The following DAB2IP variants were observed in gnomAD, a reference collection of about 807,000 sequenced individuals.
DAB2IP encodes the protein DAB2 interacting protein, also known as disabled homolog 2-interacting protein.
Under a neutral mutation model 107.2 loss-of-function variants are expected in DAB2IP, and 28 were observed. That is an observed-to-expected ratio of 0.26 (90% CI 0.19 to 0.36). The LOEUF (loss-of-function observed/expected upper bound fraction) is 0.36. Ranked by LOEUF, DAB2IP falls within the 10% of genes least tolerant of loss-of-function variation. DAB2IP has a pLI of 1.00. For missense variants in DAB2IP, 1,400 were observed against 1,644.7 expected, an observed-to-expected ratio of 0.85 and a Z score of 2.57; for synonymous variants, 755 against 706.4, an observed-to-expected ratio of 1.07 and a Z score of -1.09.
chr9:121,575,426 A>G (rs476807), intron 1 of DAB2IP: 88,210 of 152,058 alleles, frequency 0.58, 26,578 homozygotes, highest in Middle Eastern at 0.7. Context: ...GTGCAGAGTC[A>G]AAGATCTTTA....
chr9:121,632,975 C>T (rs55864698), intron 1 of DAB2IP, among the ~76,000 whole-genome samples: 10,056 of 152,256 alleles, frequency 0.066, 448 homozygotes, highest in Non-Finnish European at 0.099. Context: ...TAGACCCTTT[C>T]GGGGGGCTCC....
intron 10 of DAB2IP, 145 bp downstream of exon 10, chr9:121,768,778 G>C: frequency 9.8e-7 from 1 of 1,018,502 alleles, no homozygotes; most frequent in East Asian, 2.6e-5. Context: ...CTGGGGATCT[G>C]TGGGCCCCAT....
In DAB2IP at chr9:121,760,235, G is replaced by T; in HGVS notation, c.966G>T (p.Lys322Asn). The change falls in exon 6 of 16, where the codon AAG becomes AAT. Residue 322 changes from lysine to asparagine, a missense_variant. Physicochemically the swap from Lys to Asn is moderately conservative, Grantham distance 94. Transcript: ENST00000408936. The surrounding 1 kb of genome is among the most constrained non-coding windows in gnomAD (Gnocchi z 5.9). ...TGACGCCCAACCCCAAGGGCGGCAA[G>T]GGCCCTGGACCCATGATCCGCATCA... 1 of 1,613,774 alleles carries T rather than the reference G, an allele frequency of 6.2e-7. No homozygotes were observed. Among genetic ancestry groups the T allele is most frequent in the Non-Finnish European group, 8.5e-7 (1 of 1,180,014 alleles).
intron 2 of DAB2IP, among the ~76,000 whole-genome samples, chr9:121,680,059 C>G (rs1413915490): frequency 6.6e-6 from 1 of 152,218 alleles, no homozygotes; most frequent in African/African-American, 2.4e-5. Flanking sequence ...TTTCCTAATA[C>G]TTAGTGTCAG....
At chr9:121,625,665 CTTTTTT>C (rs71826972) in intron 1 of DAB2IP, among the ~76,000 whole-genome samples, 1 of 141,346 alleles carries the variant, frequency 7.1e-6, no homozygotes, top group Non-Finnish European at 1.5e-5. Flanking sequence ...GGGCTTTCTG[CTTTTTT>C]TTTTTTTTTC....
intron 1 of DAB2IP, among the ~76,000 whole-genome samples, chr9:121,668,078 C>G (rs1041821098): frequency 1.3e-5 from 2 of 152,114 alleles, no homozygotes; most frequent in African/African-American, 4.8e-5. Context: ...CCCCCATGAT[C>G]TAAATTATCT....
chr9:121,648,018 A>G (rs906396948), upstream of DAB2IP, among the ~76,000 whole-genome samples: 1 of 152,092 alleles, frequency 6.6e-6, no homozygotes, highest in East Asian at 1.9e-4. Context: ...ACCAAACATC[A>G]TATATTCTCA....
At position 121,699,450 on chromosome 9, in the gene DAB2IP, C is replaced by G. The variant is rs1234880667; in HGVS notation, c.354C>G (p.Asp118Glu). ...GGAGCGCCGCCGCCGCCGCCGCGGA[C>G]AATGAGAGGTGAGCCCGCCGCCGCC... Residue 118 changes from aspartate (D) to glutamate (E), a missense_variant, in exon 3 of 16, where the codon GAC becomes GAG. Asp to Glu is a conservative substitution (Grantham distance 45, BLOSUM62 2). Coordinates refer to ENST00000408936, the Ensembl canonical transcript of DAB2IP. This position sits in a 1 kb window ranked among gnomAD's most constrained non-coding sequence, Gnocchi z 6.2. 1 of 1,421,006 alleles carries G rather than the reference C, an allele frequency of 7.0e-7. No individual in the cohort carries two copies. Among genetic ancestry groups the G allele is most frequent in the Non-Finnish European group, 9.3e-7 (1 of 1,074,034 alleles). The allele number at this position is 1,421,006 out of a possible 1,614,324, so 88.0% of individuals were successfully genotyped here. A position where few individuals can be genotyped will look rare whatever the true frequency, so the allele number is the denominator to read the frequency against.
chr9:121,650,849 G>A (rs79104671), upstream of DAB2IP, among the ~76,000 whole-genome samples: 1 of 152,182 alleles, frequency 6.6e-6, no homozygotes. Context: ...GAATTAGGGG[G>A]AGCAGAGGTG....
In DAB2IP at chr9:121,776,330, G is replaced by A. The variant is rs374129525; in HGVS notation, c.3253G>A (p.Glu1085Lys). ...GTACCAGGCACGGCTGGAGGAGGGC[G>A]AGGAGCGGCTGCGGCGGCAGCAGGA... Residue 1085 changes from glutamate to lysine, a missense_variant, in exon 14 of 16, where the codon GAG becomes AAG. Coordinates refer to ENST00000408936, the Ensembl canonical transcript of DAB2IP. This position sits in a 1 kb window ranked among gnomAD's most constrained non-coding sequence, Gnocchi z 5.4. 59 of 1,559,874 alleles carry A rather than the reference G, an allele frequency of 3.8e-5. 1 individual carries two copies. The highest frequency in any genetic ancestry group is 4.7e-5 in the South Asian group (4 of 84,578).
At chr9:121,586,502 A>G (rs1010789655) in intron 1 of DAB2IP, among the ~76,000 whole-genome samples, 8 of 152,202 alleles carry the variant, frequency 5.3e-5, no homozygotes, top group Middle Eastern at 6.8e-3. Context: ...GGGAGCTGCA[A>G]GGGAGCTGGT....
intron 8 of DAB2IP, among the ~76,000 whole-genome samples, chr9:121,764,434 C>T (rs1025128494): frequency 6.6e-6 from 1 of 152,248 alleles, no homozygotes; most frequent in Non-Finnish European, 1.5e-5. Context: ...CTTAGACAGG[C>T]CCCTCAGCAG....
At position 121,592,473 on chromosome 9, in the gene DAB2IP, T is replaced by A. The variant is rs537525089; in HGVS notation, c.40+25245T>A. 5.9e-5 allele frequency among the ~76,000 whole-genome samples: 9 copies of A among 152,310 alleles called. No individual in the cohort carries two copies. The South Asian group carries it at 1.4e-3, about 25-fold the overall frequency. On this transcript the variant is annotated intron_variant, in intron 1 of 16. Coordinates refer to the DAB2IP transcript ENST00000259371. Reference sequence around the variant, plus strand: ...AGTGCCCCAGTGGCTAATGTCCATGTCACCAGGATAATATTACATTGTCCA... The same window carrying A: ...AGTGCCCCAGTGGCTAATGTCCATGACACCAGGATAATATTACATTGTCCA...
intron 9 of DAB2IP, 146 bp from the exon 10 acceptor site, chr9:121,768,286 T>G: frequency 1.2e-6 from 1 of 832,650 alleles, no homozygotes; most frequent in Admixed American, 1.9e-5. Flanking sequence ...GTGACCTGGG[T>G]CAGAGCATAT....
chr9:121,637,453 T>C (rs972101562), intron 1 of DAB2IP, among the ~76,000 whole-genome samples: 1 of 152,216 alleles, frequency 6.6e-6, no homozygotes, highest in Non-Finnish European at 1.5e-5. Flanking sequence ...ATCATGGCTG[T>C]GGAGCCTTGA....
chr9:121,666,702 CATGTATACCT>C (rs1161230756), intron 1 of DAB2IP, among the ~76,000 whole-genome samples: 3 of 152,046 alleles, frequency 2.0e-5, no homozygotes, highest in Non-Finnish European at 2.9e-5. Flanking sequence ...CACCATGTCA[CATGTATACCT>C]ATGTAACAAA....
Position 121,742,700 on chromosome 9 carries a change from T to G in DAB2IP, c.363-14313T>G. 9 of 983,154 alleles carry G rather than the reference T, an allele frequency of 9.2e-6. 1 individual carries two copies. In the South Asian group the frequency reaches 4.2e-4, roughly 46 times the overall value. 60.9% of individuals were successfully genotyped at this position (983,154 alleles called of 1,614,324 possible). The stretch of plus-strand genomic sequence containing the variant: ...GGGCTTGGAAGGACGGTTGCCCCCA[T>G]CTGCCTTGGTTCCCTGCACCTGCCT... On this transcript the variant is annotated intron_variant, in intron 3 of 15. Coordinates refer to ENST00000408936, the Ensembl canonical transcript of DAB2IP.
intron 1 of DAB2IP, among the ~76,000 whole-genome samples, chr9:121,594,204 G>A (rs1214305273): frequency 6.6e-6 from 1 of 151,740 alleles, no homozygotes. Context: ...CACACAGCTG[G>A]CAAGTGGGTC....
chr9:121,606,729 G>T (rs1184480047), intron 1 of DAB2IP, among the ~76,000 whole-genome samples: 2 of 151,892 alleles, frequency 1.3e-5, no homozygotes, highest in Non-Finnish European at 2.9e-5. Context: ...GGCAGTGGGG[G>T]GTGAGGGAGG....
Sources: gnomAD v4.1 joint callset for allele counts (sites outside exome capture counted in the v4.1 genomes callset) on GRCh38, gnomAD v4.1.1 for gene constraint, Gnocchi (gnomAD v3.1) non-coding constraint, MANE v1.5 for transcripts, NCBI Gene and HGNC (gene_info 2026-07-23, HGNC 2026-07-21) for gene names.